Variants in SLC44A5 observed in about 807,000 individuals in gnomAD.
SLC44A5 encodes solute carrier family 44 member 5.
A neutral mutation model predicts 101.8 loss-of-function variants in SLC44A5; 57 were observed. The ratio of observed to expected loss-of-function variants is 0.56; its 90% CI spans 0.45 to 0.70. SLC44A5 has a LOEUF of 0.70. SLC44A5 is among the 30% of genes least tolerant of loss of function. SLC44A5 has a pLI of 0.00. For synonymous variants in SLC44A5, 281 were observed against 290.9 expected (o/e 0.97, Z 0.35); for missense variants, 737 against 853.1 (o/e 0.86, Z 1.70).
At chr1:75,481,464 G>A (rs1028918940) in intron 2 of SLC44A5, among the ~76,000 whole-genome samples, 6 of 151,966 alleles carry the variant, frequency 3.9e-5, no homozygotes, top group Admixed American at 2.6e-4. Context: ...AGACTGAACA[G>A]GCAACCTACA....
intron 7 of SLC44A5, among the ~76,000 whole-genome samples, chr1:75,243,774 T>A (rs1310773057): frequency 6.6e-6 from 1 of 152,052 alleles, no homozygotes; most frequent in East Asian, 1.9e-4. Flanking sequence ...GTGTTGGAGA[T>A]GGGGCCTAAT....
the SLC44A5 span, among the ~76,000 whole-genome samples, chr1:75,672,439 C>T: frequency 1.3e-5 from 2 of 152,088 alleles, no homozygotes; most frequent in Non-Finnish European, 2.9e-5. Flanking sequence ...TCCATCCCAA[C>T]AGCAAGAACC....
At chr1:75,678,913 G>T in the SLC44A5 span, among the ~76,000 whole-genome samples, 11 of 152,132 alleles carry the variant, frequency 7.2e-5, no homozygotes, top group South Asian at 4.1e-4. Flanking sequence ...AGAGAAGTGC[G>T]TAAAGGAGCT....
chr1:75,375,784 C>T (rs1405370640), intron 3 of SLC44A5, among the ~76,000 whole-genome samples: 1 of 152,168 alleles, frequency 6.6e-6, no homozygotes, highest in East Asian at 1.9e-4. Context: ...ACAATTTTTC[C>T]CGAACAAGCA....
chr1:75,415,236 GTGGGAGATGACTGAATCA>G (rs1460400822), intron 2 of SLC44A5, among the ~76,000 whole-genome samples: 1 of 152,190 alleles, frequency 6.6e-6, no homozygotes, highest in Non-Finnish European at 1.5e-5. Context: ...GAGGGACCTG[GTGGGAGATGACTGAATCA>G]TGGGGACAGG....
intron 2 of SLC44A5, chr1:75,398,501 C>T (rs1350368594): frequency 1.8e-6 from 1 of 543,106 alleles, no homozygotes; most frequent in Non-Finnish European, 2.3e-6. Context: ...TCTTAACAAC[C>T]ATACACTGTA....
chr1:75,451,467 G>A (rs758997373), intron 2 of SLC44A5, among the ~76,000 whole-genome samples: 44 of 151,804 alleles, frequency 2.9e-4, no homozygotes, highest in Non-Finnish European at 5.4e-4. Context: ...GTACTCCCTA[G>A]GAAGGGAAGG....
chr1:75,676,474 T>A, the SLC44A5 span, among the ~76,000 whole-genome samples: 1 of 152,174 alleles, frequency 6.6e-6, no homozygotes, highest in Admixed American at 6.5e-5. Flanking sequence ...ACACTGCATG[T>A]TCCCACTTAT....
In SLC44A5 at chr1:75,238,385, CAT is replaced by C. The variant is rs71081318; in HGVS notation, c.656+126_656+127del. On this transcript the variant is annotated intron_variant, in intron 10 of 23. Transcript: ENST00000370859. ...TCAATTCACAGTAACACGTATATTT[CAT>C]ATATATATATATATATATATATATA... 4.3e-3 allele frequency: 936 copies of C among 215,248 alleles called. 4 individuals are homozygous for C. Among genetic ancestry groups the C allele is most frequent in the East Asian group, 0.014 (88 of 6,298 alleles). The allele number at this position is 215,248 out of a possible 1,614,324, so 13.3% of individuals were successfully genotyped here.
chr1:75,514,017 T>A (rs540483361), intron 2 of SLC44A5, among the ~76,000 whole-genome samples: 48 of 151,756 alleles, frequency 3.2e-4, no homozygotes, highest in East Asian at 2.1e-3. Flanking sequence ...TTAAAAAAAA[T>A]TTTTTTTTGT....
At chr1:75,497,075 C>T (rs902749334) in intron 2 of SLC44A5, among the ~76,000 whole-genome samples, 2 of 152,062 alleles carry the variant, frequency 1.3e-5, no homozygotes, top group Admixed American at 1.3e-4. Flanking sequence ...AGTATGGAAG[C>T]TCCTCAAAAA....
chr1:75,717,441 A>C, the SLC44A5 span, among the ~76,000 whole-genome samples: 1 of 152,134 alleles, frequency 6.6e-6, no homozygotes, highest in Non-Finnish European at 1.5e-5. Flanking sequence ...AGAAGGAAAC[A>C]ACAGACACTG....
At chr1:75,681,284 G>A in the SLC44A5 span, among the ~76,000 whole-genome samples, 1 of 152,100 alleles carries the variant, frequency 6.6e-6, no homozygotes, top group Admixed American at 6.6e-5. Flanking sequence ...TGATACCAAA[G>A]CCGGGCAGAG....
chr1:75,477,487 G>C (rs1389207864), intron 2 of SLC44A5, among the ~76,000 whole-genome samples: 1 of 152,094 alleles, frequency 6.6e-6, no homozygotes, highest in African/African-American at 2.4e-5. Flanking sequence ...CAAAGGCAAA[G>C]AAGTTAAAAC....
chr1:75,640,257 T>G, the SLC44A5 span, among the ~76,000 whole-genome samples: 2 of 152,056 alleles, frequency 1.3e-5, no homozygotes, highest in Non-Finnish European at 2.9e-5. Context: ...CAGTCTCAGC[T>G]TGGATGGTTG....
intron 1 of SLC44A5, among the ~76,000 whole-genome samples, chr1:75,545,255 C>T (rs1283194867): frequency 1.3e-5 from 2 of 152,092 alleles, no homozygotes; most frequent in Non-Finnish European, 2.9e-5. Flanking sequence ...TCCAGTCTAT[C>T]GTTGATAGAC....
At chr1:75,402,696 A>G (rs541402602) in intron 2 of SLC44A5, among the ~76,000 whole-genome samples, 2 of 151,998 alleles carry the variant, frequency 1.3e-5, no homozygotes, top group Non-Finnish European at 2.9e-5. Flanking sequence ...CAACCCACAG[A>G]TTAGGAGGTT....
chr1:75,228,247 GA>G (rs1429337745), intron 12 of SLC44A5, among the ~76,000 whole-genome samples: 1 of 152,050 alleles, frequency 6.6e-6, no homozygotes, highest in Non-Finnish European at 1.5e-5. Flanking sequence ...GCAATTCTAT[GA>G]TTTTTGAGGT....
At chr1:75,664,857 C>T in the SLC44A5 span, among the ~76,000 whole-genome samples, 5 of 149,842 alleles carry the variant, frequency 3.3e-5, no homozygotes, top group South Asian at 1.1e-3. Flanking sequence ...GGAGGCTGAG[C>T]TTGCAGTGAG....
Sources: allele counts gnomAD v4.1 joint callset (sites outside exome capture counted in the v4.1 genomes callset), GRCh38; gene constraint gnomAD v4.1.1; transcripts MANE v1.5; gene names NCBI Gene and HGNC (gene_info 2026-07-23, HGNC 2026-07-21).